WDR72: variants seen among roughly 807,000 people sequenced by gnomAD.
WDR72 encodes the protein WD repeat domain 72.
In WDR72, 120 loss-of-function variants were observed where a neutral mutation model predicts 124.2. The observed-to-expected ratio is 0.97, with a 90% CI of 0.83 to 1.12. The LOEUF (loss-of-function observed/expected upper bound fraction) is 1.12. Among genes scored for constraint, WDR72 ranks in the 50% most tolerant of loss-of-function variants. The pLI, the probability that WDR72 is intolerant of heterozygous loss-of-function variation, is 0.00. For missense variants in WDR72, 1,387 were observed against 1,278.8 expected, an observed-to-expected ratio of 1.08 and a Z score of -1.29; for synonymous variants, 452 against 441.7, an observed-to-expected ratio of 1.02 and a Z score of -0.29.
At chr15:53,609,486 A>C in intron 17 of WDR72, 27 bp downstream of exon 17, 1 of 1,595,540 alleles carries the variant, frequency 6.3e-7, no homozygotes, top group South Asian at 1.1e-5. Flanking sequence ...TCTTCTAATA[A>C]CGTCATGAAT....
intron 18 of WDR72, among the ~76,000 whole-genome samples, chr15:53,543,168 C>T (rs1445501356): frequency 4.9e-5 from 7 of 143,594 alleles, no homozygotes; most frequent in Non-Finnish European, 1.1e-4. Context: ...CAGAACTCTC[C>T]ACCCCAAATC....
At chr15:53,660,806 G>C (rs1010513095) in intron 14 of WDR72, among the ~76,000 whole-genome samples, 2 of 152,098 alleles carry the variant, frequency 1.3e-5, no homozygotes, top group African/African-American at 4.8e-5. Flanking sequence ...TGAGTTCCCG[G>C]TTTCTGTCAC....
At position 53,699,937 on chromosome 15, in the gene WDR72, A is replaced by C. The variant is rs899078802; in HGVS notation, c.1578T>G (p.Gly526=). The C allele has an allele frequency of 6.2e-7, 1 of 1,614,058 alleles. No homozygotes were observed. The highest frequency in any genetic ancestry group is 1.3e-5 in the African/African-American group (1 of 74,916). Residue 526 remains glycine, a synonymous_variant, in exon 13 of 20, where the codon GGT becomes GGG. Coordinates refer to ENST00000360509, the MANE Select transcript of WDR72 (RefSeq NM_182758.4). ...CGCACACACAGCAAATTATCTGCTCACCCCTTAGCTGTGAAAAAACAACAT... is the reference window on the plus strand; with the variant it reads ...CGCACACACAGCAAATTATCTGCTCCCCCCTTAGCTGTGAAAAAACAACAT... ...LMSPEKFKLR[G]EQIICCVCGD... is the part of the protein sequence containing the mutation.
rs773447297 is a variant in WDR72, at chr15:53,711,337, T to A, written c.856A>T (p.Ser286Cys). 1.2e-6 allele frequency: 2 copies of A among 1,614,192 alleles called. No homozygotes were observed. Among genetic ancestry groups the A allele is most frequent in the Non-Finnish European group, 1.7e-6 (2 of 1,180,040 alleles). The stretch of plus-strand genomic sequence containing the variant: ...TATGCCGCTCCCATCTGAGCCCACC[T>A]GTTCAGCAGCTGATAGATGTAACTG... ...GHSYIYQLLN[S>C]GLSKSIYPAD... Residue 286 changes from serine (S) to cysteine (C), a missense_variant and splice_region_variant, in exon 8 of 20, where the codon AGT (serine) becomes TGT (cysteine). Transcript: ENST00000360509.
At chr15:53,572,276 C>T (rs73406272) in intron 18 of WDR72, among the ~76,000 whole-genome samples, 8,404 of 152,054 alleles carry the variant, frequency 0.055, 655 homozygotes, top group African/African-American at 0.18. Context: ...GTTGTATTAA[C>T]AAACAAACAA....
At chr15:53,733,237 G>A (rs1356883099) in intron 1 of WDR72, 76 bp from the exon 2 acceptor site, 2 of 1,500,792 alleles carry the variant, frequency 1.3e-6, no homozygotes. Flanking sequence ...ATTACAAGCA[G>A]ATTTATGATG....
At chr15:53,619,264 TTGTGTGTGTGTG>T (rs3081256) in intron 14 of WDR72, among the ~76,000 whole-genome samples, 1 of 147,406 alleles carries the variant, frequency 6.8e-6, no homozygotes, top group Non-Finnish European at 1.5e-5. Context: ...TGCTTTATAA[TTGTGTGTGTGTG>T]TGTGTGTGTG....
intron 19 of WDR72, among the ~76,000 whole-genome samples, chr15:53,522,290 C>T (rs375945873): frequency 6.6e-6 from 1 of 152,110 alleles, no homozygotes. Context: ...ATTTGGAAAT[C>T]TCTTAACTAA....
intron 2 of WDR72, among the ~76,000 whole-genome samples, chr15:53,729,699 T>C (rs2018144819): frequency 6.6e-6 from 1 of 152,136 alleles, no homozygotes; most frequent in Admixed American, 6.6e-5. Flanking sequence ...CTTCAACTCC[T>C]GTGCATTCTT....
rs576172545 is a variant in WDR72 at position 53,690,197 on chromosome 15, C to T, written c.1765+9553G>A. The stretch of plus-strand genomic sequence containing the variant: ...TAACCTGCACAATGTGCACATGTAC[C>T]CTAAAACTTAAAGTATAATAATAAA... On this transcript the variant is annotated intron_variant, in intron 13 of 19. Coordinates refer to ENST00000360509, the MANE Select transcript of WDR72 (RefSeq NM_182758.4). Among the ~76,000 whole-genome samples, 112 of 151,558 alleles carry T rather than the reference C, an allele frequency of 7.4e-4. 1 individual carries two copies. The highest frequency in any genetic ancestry group is 2.6e-3 in the African/African-American group (106 of 41,298).
chr15:53,597,705 T>A (rs2012843958), intron 17 of WDR72, among the ~76,000 whole-genome samples: 1 of 152,194 alleles, frequency 6.6e-6, no homozygotes, highest in Non-Finnish European at 1.5e-5. Flanking sequence ...GCATTTAAAC[T>A]ATGCTTTACA....
intron 3 of WDR72, among the ~76,000 whole-genome samples, chr15:53,719,365 C>G (rs2017807744): frequency 6.6e-6 from 1 of 152,206 alleles, no homozygotes; most frequent in Non-Finnish European, 1.5e-5. Context: ...TTTCTTACAT[C>G]CTTATATTTC....
At chr15:53,565,179 C>A (rs554560500) in intron 18 of WDR72, among the ~76,000 whole-genome samples, 6 of 151,856 alleles carry the variant, frequency 4.0e-5, no homozygotes, top group East Asian at 1.9e-4. Flanking sequence ...AGCAAGGGAA[C>A]CTCATGAGAA....
upstream of WDR72, among the ~76,000 whole-genome samples, chr15:53,760,306 CCTCCACCCGA>C (rs2019037476): frequency 6.6e-6 from 1 of 151,286 alleles, no homozygotes; most frequent in Non-Finnish European, 1.5e-5. Context: ...ACCATTTCCA[CCTCCACCCGA>C]CTCCCCCACC....
intron 18 of WDR72, among the ~76,000 whole-genome samples, chr15:53,528,805 T>C (rs1892264709): frequency 6.6e-6 from 1 of 152,008 alleles, no homozygotes; most frequent in Non-Finnish European, 1.5e-5. Context: ...GAAAGAGGTA[T>C]CAATTGCTTA....
chr15:53,610,921 G>A (rs746757848), intron 16 of WDR72, among the ~76,000 whole-genome samples: 1 of 152,112 alleles, frequency 6.6e-6, no homozygotes, highest in Non-Finnish European at 1.5e-5. Context: ...GGTCTCAACT[G>A]TAACTACTTA....
At chr15:53,662,983 T>A (rs2015656610) in intron 14 of WDR72, among the ~76,000 whole-genome samples, 1 of 151,728 alleles carries the variant, frequency 6.6e-6, no homozygotes, top group Non-Finnish European at 1.5e-5. Context: ...CTGAGAGAAC[T>A]GCTTGGGCCC....
At chr15:53,706,717 T>C (rs1426826461) in intron 9 of WDR72, among the ~76,000 whole-genome samples, 1 of 152,122 alleles carries the variant, frequency 6.6e-6, no homozygotes, top group East Asian at 1.9e-4. Context: ...ATATGTTTTC[T>C]ACATTTTGTT....
intron 13 of WDR72, among the ~76,000 whole-genome samples, chr15:53,681,482 C>A (rs2016382667): frequency 1.3e-5 from 2 of 152,070 alleles, no homozygotes; most frequent in Admixed American, 1.3e-4. Context: ...ATACCAGATA[C>A]ATAACAAACT....
Sources: gnomAD v4.1 joint callset for allele counts (sites outside exome capture counted in the v4.1 genomes callset) on GRCh38, gnomAD v4.1.1 for gene constraint, MANE v1.5 for transcripts, NCBI Gene and HGNC (gene_info 2026-07-23, HGNC 2026-07-21) for gene names.